The following SMYD3 variants were observed in gnomAD, a reference collection of about 807,000 sequenced individuals.
The protein encoded by SMYD3 is SET and MYND domain containing 3.
A neutral mutation model predicts 57.7 loss-of-function variants in SMYD3; 36 were observed. That is an observed-to-expected ratio of 0.62 (90% confidence interval 0.48 to 0.82). SMYD3 has a LOEUF of 0.82. Ranked by LOEUF, SMYD3 falls within the 40% of genes least tolerant of loss-of-function variation. The probability of loss-of-function intolerance (pLI) is 0.00; values close to 1 mark genes in which losing one functional copy is unlikely to be tolerated. For synonymous variants in SMYD3, 211 were observed against 195.0 expected (o/e 1.08, Z -0.68); for missense variants, 515 against 538.8 (o/e 0.96, Z 0.44).
At chr1:246,101,301 C>T (rs182132179) in intron 5 of SMYD3, among the ~76,000 whole-genome samples, 1 of 152,194 alleles carries the variant, frequency 6.6e-6, no homozygotes, top group East Asian at 1.9e-4. Context: ...AAAAGTATCA[C>T]ATTCATGTCA....
chr1:245,942,357 C>T (rs1279388168), intron 5 of SMYD3, among the ~76,000 whole-genome samples: 1 of 152,106 alleles, frequency 6.6e-6, no homozygotes. Context: ...AGACTTTAAA[C>T]CAGCAAAGAT....
chr1:246,136,349 T>A (rs1208920099), intron 5 of SMYD3, among the ~76,000 whole-genome samples: 1 of 152,106 alleles, frequency 6.6e-6, no homozygotes, highest in Admixed American at 6.6e-5. Flanking sequence ...ATGTTCAGAT[T>A]TTAAAGTTGA....
At chr1:245,862,634 C>T (rs1301087362) in intron 9 of SMYD3, among the ~76,000 whole-genome samples, 3 of 150,354 alleles carry the variant, frequency 2.0e-5, no homozygotes, top group Admixed American at 1.3e-4. Context: ...TAAAGAGGCC[C>T]GAGATGGAAA....
intron 5 of SMYD3, among the ~76,000 whole-genome samples, chr1:245,965,011 A>G (rs2058104184): frequency 6.6e-6 from 1 of 152,112 alleles, no homozygotes; most frequent in South Asian, 2.1e-4. Flanking sequence ...CAGGAAAACT[A>G]CCTCTGGGCA....
At chr1:245,861,500 A>G (rs1205655277) in intron 9 of SMYD3, among the ~76,000 whole-genome samples, 1 of 152,218 alleles carries the variant, frequency 6.6e-6, no homozygotes, top group Non-Finnish European at 1.5e-5. Context: ...ATATTACTCT[A>G]CTGCTTAAAA....
intron 5 of SMYD3, among the ~76,000 whole-genome samples, chr1:246,011,090 G>A (rs989384638): frequency 3.3e-5 from 5 of 152,148 alleles, no homozygotes; most frequent in Non-Finnish European, 5.9e-5. Context: ...CAAATTTAGA[G>A]ATCTAATGGT....
intron 5 of SMYD3, among the ~76,000 whole-genome samples, chr1:246,153,702 C>G (rs1463879210): frequency 6.6e-6 from 1 of 152,070 alleles, no homozygotes; most frequent in African/African-American, 2.4e-5. Flanking sequence ...AAACTCCTAG[C>G]CTCAAGCAAT....
intron 1 of SMYD3, among the ~76,000 whole-genome samples, chr1:246,427,035 T>C (rs2067229292): frequency 2.6e-5 from 4 of 152,302 alleles, no homozygotes; most frequent in South Asian, 4.1e-4. Flanking sequence ...TTTTAACTAC[T>C]ACCAAGGAGA....
At chr1:245,861,649 C>A (rs1402959248) in intron 9 of SMYD3, among the ~76,000 whole-genome samples, 1 of 152,200 alleles carries the variant, frequency 6.6e-6, no homozygotes, top group African/African-American at 2.4e-5. Flanking sequence ...CTGCACAGGT[C>A]ATTCCTTGTG....
intron 5 of SMYD3, chr1:246,113,545 G>C (rs1438373238): frequency 1.3e-5 from 2 of 152,170 alleles, no homozygotes; most frequent in African/African-American, 4.8e-5. Flanking sequence ...GTATAAAAAG[G>C]CATCGGTATA....
At chr1:245,871,984 G>A (rs1295132829) in intron 8 of SMYD3, among the ~76,000 whole-genome samples, 1 of 152,100 alleles carries the variant, frequency 6.6e-6, no homozygotes, top group Non-Finnish European at 1.5e-5. Flanking sequence ...TCCCTTTGCC[G>A]GGAAGGCTCT....
intron 5 of SMYD3, among the ~76,000 whole-genome samples, chr1:246,176,999 C>T (rs1023075028): frequency 6.6e-6 from 1 of 152,098 alleles, no homozygotes; most frequent in Non-Finnish European, 1.5e-5. Flanking sequence ...GGAAAAGAAA[C>T]TTTAAATTGT....
At chr1:246,494,230 T>A (rs1330863239) in intron 1 of SMYD3, among the ~76,000 whole-genome samples, 1 of 152,244 alleles carries the variant, frequency 6.6e-6, no homozygotes, top group East Asian at 1.9e-4. Flanking sequence ...TCCCAACTTA[T>A]AATCTATCAT....
At chr1:246,386,991 G>A (rs2066494200) in intron 1 of SMYD3, among the ~76,000 whole-genome samples, 1 of 152,056 alleles carries the variant, frequency 6.6e-6, no homozygotes, top group Non-Finnish European at 1.5e-5. Flanking sequence ...ATCCTTTGGG[G>A]AACTACCTAT....
At chr1:245,822,695 C>CCAT (rs2049240013) in intron 10 of SMYD3, among the ~76,000 whole-genome samples, 1 of 152,190 alleles carries the variant, frequency 6.6e-6, no homozygotes, top group African/African-American at 2.4e-5. Flanking sequence ...GCCTCACTTA[C>CCAT]CATTCTCTGC....
intron 5 of SMYD3, among the ~76,000 whole-genome samples, chr1:246,152,204 AGAG>A (rs919785328): frequency 6.6e-6 from 1 of 152,180 alleles, no homozygotes; most frequent in African/African-American, 2.4e-5. Flanking sequence ...GCCCACATCC[AGAG>A]GAGAGAAAAG....
chr1:246,483,549 G>C (rs547742982), intron 1 of SMYD3: 1 of 152,130 alleles, frequency 6.6e-6, no homozygotes, highest in African/African-American at 2.4e-5. Context: ...AAACTTATTT[G>C]GAAGAATATT....
intron 10 of SMYD3, among the ~76,000 whole-genome samples, chr1:245,833,895 G>A (rs2148394295): frequency 6.6e-6 from 1 of 152,330 alleles, no homozygotes; most frequent in East Asian, 1.9e-4. Flanking sequence ...CTTGCTCTAT[G>A]CCCATCCCCG....
intron 5 of SMYD3, among the ~76,000 whole-genome samples, chr1:246,246,752 T>G (rs1361408): frequency 0.35 from 52,956 of 151,136 alleles, 10,159 homozygotes; most frequent in East Asian, 0.79. Flanking sequence ...CTGAGCCACA[T>G]AGAAGATGCC....
Sources: gnomAD v4.1 joint callset for allele counts (sites outside exome capture counted in the v4.1 genomes callset) on GRCh38, gnomAD v4.1.1 for gene constraint, MANE v1.5 for transcripts, NCBI Gene and HGNC (gene_info 2026-07-23, HGNC 2026-07-21) for gene names.